The following METTL16 variants were observed in gnomAD, a reference collection of about 807,000 sequenced individuals.
METTL16 encodes the protein RNA N(6)-adenosine-methyltransferase METTL16.
In METTL16, 19 loss-of-function variants were observed where a neutral mutation model predicts 57.9. That is an observed-to-expected ratio of 0.33 (90% confidence interval 0.23 to 0.48). The LOEUF is 0.48. METTL16 is among the 20% of genes least tolerant of loss of function. The probability of loss-of-function intolerance (pLI) is 0.99; values close to 1 mark genes in which losing one functional copy is unlikely to be tolerated. For missense variants in METTL16, 434 were observed against 691.5 expected (o/e 0.63, Z 4.18); for synonymous variants, 246 against 255.6 (o/e 0.96, Z 0.36).
At chr17:2,456,579 A>G (rs1334950058) in intron 6 of METTL16, among the ~76,000 whole-genome samples, 1 of 152,054 alleles carries the variant, frequency 6.6e-6, no homozygotes, top group African/African-American at 2.4e-5. Flanking sequence ...GACTTAAGTG[A>G]TCCTCAGGCC....
At chr17:2,500,795 G>C (rs1350833809) in intron 2 of METTL16, among the ~76,000 whole-genome samples, 1 of 151,988 alleles carries the variant, frequency 6.6e-6, no homozygotes, top group Non-Finnish European at 1.5e-5. Context: ...GCCATTTCCT[G>C]AAACACTTAT....
chr17:2,418,567 A>G lies in METTL16; in HGVS notation c.*1403T>C, dbSNP rs2066737445. On this transcript the variant is annotated 3_prime_UTR_variant, in exon 10 of 10. Transcript: ENST00000263092. ...ATCGCACCACGGCACTCCAGCCTAG[A>G]CAACAAGAGTAAAACTCCACCTCAT... is the stretch of plus-strand genomic sequence containing the variant. 6.6e-6 allele frequency: 1 copy of G among 152,294 alleles called. No homozygotes were observed. The highest frequency in any genetic ancestry group is 1.5e-5 in the Non-Finnish European group (1 of 68,108). The allele number at this position is 152,294 out of a possible 1,614,324, so 9.4% of individuals were successfully genotyped here.
intron 8 of METTL16, among the ~76,000 whole-genome samples, chr17:2,422,450 G>C (rs1013266459): frequency 2.0e-5 from 3 of 151,358 alleles, no homozygotes; most frequent in Non-Finnish European, 4.4e-5. Flanking sequence ...GCGCCATCTC[G>C]GCTCACTGCA....
intron 1 of METTL16, among the ~76,000 whole-genome samples, chr17:2,507,079 G>GA (rs2067545408): frequency 6.6e-6 from 1 of 151,282 alleles, no homozygotes; most frequent in African/African-American, 2.4e-5. Flanking sequence ...GGAGGTGGGG[G>GA]TCAGCCCCCC....
chr17:2,509,651 A>G (rs903707854), intron 1 of METTL16, among the ~76,000 whole-genome samples: 58 of 152,194 alleles, frequency 3.8e-4, no homozygotes, highest in Non-Finnish European at 7.3e-4. Context: ...ACACTTTCGG[A>G]GGCCAAGACT....
rs1234441081 is a variant in METTL16 at position 2,511,884 on chromosome 17, C to G, written c.-126G>C. The stretch of plus-strand genomic sequence containing the variant: ...TGATACGCTCCCAGCGCGCCGCCAT[C>G]TTGTGAAGCCATCTAGCCTCGTGAT... On this transcript the variant is annotated 5_prime_UTR_variant, in exon 1 of 10. Transcript: ENST00000263092. 2 of 398,676 alleles carry G rather than the reference C, an allele frequency of 5.0e-6. No homozygotes were observed. The highest frequency in any genetic ancestry group is 8.8e-6 in the Non-Finnish European group (2 of 226,148). The allele number at this position is 398,676 out of a possible 1,614,324, so 24.7% of individuals were successfully genotyped here. A position where few individuals can be genotyped will look rare whatever the true frequency, so the allele number is the denominator to read the frequency against.
chr17:2,487,905 C>A (rs1051158704), intron 2 of METTL16, among the ~76,000 whole-genome samples: 3 of 152,088 alleles, frequency 2.0e-5, no homozygotes, highest in African/African-American at 4.8e-5. Context: ...ACTCAGGAGG[C>A]TGAGGCAGGA....
chr17:2,501,746 T>G (rs1339233483), intron 2 of METTL16, among the ~76,000 whole-genome samples: 2 of 151,644 alleles, frequency 1.3e-5, no homozygotes, highest in Non-Finnish European at 1.5e-5. Flanking sequence ...TAATCCCAGC[T>G]ACTCAGGAGG....
intron 8 of METTL16, among the ~76,000 whole-genome samples, chr17:2,434,317 C>G (rs2066894945): frequency 6.6e-6 from 1 of 152,146 alleles, no homozygotes; most frequent in East Asian, 1.9e-4. Flanking sequence ...CAGGTTCAAG[C>G]GATTCTCCTG....
At chr17:2,479,807 A>G (rs918763633) in intron 2 of METTL16, among the ~76,000 whole-genome samples, 4 of 152,080 alleles carry the variant, frequency 2.6e-5, no homozygotes, top group Non-Finnish European at 5.9e-5. Context: ...AAGTTAGGAG[A>G]TCTGGACTCC....
intron 2 of METTL16, among the ~76,000 whole-genome samples, chr17:2,496,157 G>T (rs1433152854): frequency 6.6e-6 from 1 of 150,982 alleles, no homozygotes; most frequent in African/African-American, 2.5e-5. Context: ...CAAAAAAAAA[G>T]AAAAAACATC....
At chr17:2,476,956 CAA>C (rs34519562) in intron 3 of METTL16, among the ~76,000 whole-genome samples, 6 of 116,272 alleles carry the variant, frequency 5.2e-5, no homozygotes, top group Admixed American at 1.7e-4. Flanking sequence ...AATTCCGTTT[CAA>C]AAAAAAAAAA....
intron 5 of METTL16, among the ~76,000 whole-genome samples, chr17:2,465,012 G>A (rs1216591694): frequency 6.6e-6 from 1 of 152,146 alleles, no homozygotes; most frequent in Non-Finnish European, 1.5e-5. Context: ...GGGAATGTTT[G>A]CAAATCACTA....
chr17:2,500,081 G>A (rs2067476108), intron 2 of METTL16, among the ~76,000 whole-genome samples: 1 of 152,136 alleles, frequency 6.6e-6, no homozygotes, highest in Non-Finnish European at 1.5e-5. Context: ...AGAATGTGAT[G>A]ACAGCTAAGG....
intron 2 of METTL16, among the ~76,000 whole-genome samples, chr17:2,497,663 T>C (rs1033916546): frequency 2.6e-5 from 4 of 151,564 alleles, no homozygotes; most frequent in Non-Finnish European, 4.4e-5. Context: ...ATTAACTCAA[T>C]GTTTGTGACT....
At chr17:2,453,016 C>A (rs1258928232) in intron 6 of METTL16, among the ~76,000 whole-genome samples, 1 of 152,020 alleles carries the variant, frequency 6.6e-6, no homozygotes, top group Non-Finnish European at 1.5e-5. Context: ...TGTGCCACCA[C>A]AACAGGCTAA....
At chr17:2,507,224 C>T (rs1471017540) in intron 1 of METTL16, among the ~76,000 whole-genome samples, 9 of 149,278 alleles carry the variant, frequency 6.0e-5, no homozygotes, top group Non-Finnish European at 1.0e-4. Context: ...CCCGCCCGGC[C>T]AGCCGCCCCG....
intron 6 of METTL16, among the ~76,000 whole-genome samples, chr17:2,447,127 G>C (rs980805317): frequency 2.9e-4 from 41 of 142,080 alleles, no homozygotes; most frequent in Middle Eastern, 3.4e-3. Context: ...GTCCCATCTA[G>C]GAAGCGAGGA....
At chr17:2,445,321 T>C (rs1227793342) in intron 6 of METTL16, among the ~76,000 whole-genome samples, 1 of 152,130 alleles carries the variant, frequency 6.6e-6, no homozygotes, top group East Asian at 1.9e-4. Flanking sequence ...CCTAGGTGTG[T>C]AGTAGGCTAT....
Sources: gnomAD v4.1 joint callset for allele counts (sites outside exome capture counted in the v4.1 genomes callset) on GRCh38, gnomAD v4.1.1 for gene constraint, MANE v1.5 for transcripts, NCBI Gene and HGNC (gene_info 2026-07-23, HGNC 2026-07-21) for gene names.